TANC2: variants seen among roughly 807,000 people sequenced by gnomAD.
TANC2 encodes the protein tetratricopeptide repeat, ankyrin repeat and coiled-coil containing 2.
Under a neutral mutation model 210.5 loss-of-function variants are expected in TANC2, and 26 were observed. The ratio of observed to expected loss-of-function variants is 0.12; its 90% CI spans 0.09 to 0.17. TANC2 has a LOEUF of 0.17. Ranked by LOEUF, TANC2 falls within the 10% of genes least tolerant of loss-of-function variation. The pLI, the probability that TANC2 is intolerant of heterozygous loss-of-function variation, is 1.00. For missense variants in TANC2, 2,129 were observed against 2,608.9 expected (o/e 0.82, Z 4.01); for synonymous variants, 931 against 967.1 (o/e 0.96, Z 0.69).
At chr17:63,096,183 GA>G (rs1251775442) in intron 3 of TANC2, among the ~76,000 whole-genome samples, 6 of 152,060 alleles carry the variant, frequency 3.9e-5, no homozygotes, top group Non-Finnish European at 8.8e-5. Flanking sequence ...AAGGATGAGA[GA>G]AAGAGACTTG....
chr17:63,289,469 A>C (rs895669494), intron 9 of TANC2, among the ~76,000 whole-genome samples: 1 of 152,066 alleles, frequency 6.6e-6, no homozygotes, highest in Non-Finnish European at 1.5e-5. Flanking sequence ...TAGACCACAT[A>C]CAGTCCATTA....
intron 2 of TANC2, among the ~76,000 whole-genome samples, chr17:63,069,149 A>G (rs1338804100): frequency 6.6e-6 from 1 of 152,148 alleles, no homozygotes; most frequent in Non-Finnish European, 1.5e-5. Context: ...CGTATTTTCT[A>G]TATATTAAAT....
intron 3 of TANC2, among the ~76,000 whole-genome samples, chr17:63,098,053 CATT>C (rs1464135789): frequency 2.6e-5 from 4 of 151,990 alleles, no homozygotes; most frequent in Non-Finnish European, 5.9e-5. Context: ...TTCTGTCCCT[CATT>C]GTTTTGTATT....
chr17:63,354,827 A>G (rs781198247), exon 14 of TANC2: 1 of 1,604,680 alleles, frequency 6.2e-7, no homozygotes, highest in Non-Finnish European at 8.5e-7. Context: ...TTTTGGATCG[A>G]CTAGAAGAGA....
exon 28 of TANC2, chr17:63,423,872 T>A (rs1458000616): frequency 6.6e-6 from 1 of 152,298 alleles, no homozygotes; most frequent in African/African-American, 2.4e-5. Context: ...AGCGACGCCT[T>A]CTCAGCTAGA....
chr17:62,979,163 G>A (rs1278117966), intron 1 of TANC2, among the ~76,000 whole-genome samples: 1 of 151,922 alleles, frequency 6.6e-6, no homozygotes, highest in Non-Finnish European at 1.5e-5. Flanking sequence ...TTCTATACAT[G>A]CAGTTTTACC....
At chr17:63,279,914 C>A (rs1269558538) in intron 9 of TANC2, among the ~76,000 whole-genome samples, 1 of 152,026 alleles carries the variant, frequency 6.6e-6, no homozygotes, top group Non-Finnish European at 1.5e-5. Context: ...TGCCTGACTT[C>A]ATTGACCCTG....
At chr17:63,256,728 A>G (rs1361753022) in intron 8 of TANC2, among the ~76,000 whole-genome samples, 3 of 152,228 alleles carry the variant, frequency 2.0e-5, no homozygotes, top group Middle Eastern at 3.4e-3. Flanking sequence ...AAATCTGTCT[A>G]TCTCTTTAGC....
At chr17:63,254,180 A>G (rs1192407494) in intron 8 of TANC2, among the ~76,000 whole-genome samples, 1 of 151,588 alleles carries the variant, frequency 6.6e-6, no homozygotes, top group Admixed American at 6.6e-5. Flanking sequence ...ATTGTTTTTT[A>G]GTTGTAGAGA....
Position 63,253,195 on chromosome 17 carries a change from T to C in TANC2, c.1034-14553T>C, listed in dbSNP as rs111594735. Among the ~76,000 whole-genome samples the C allele has an allele frequency of 4.3e-3, 659 of 152,340 alleles. 6 individuals carry two copies. The highest frequency in any genetic ancestry group is 0.014 in the African/African-American group (576 of 41,584). On this transcript the variant is annotated intron_variant, in intron 8 of 27. Coordinates refer to ENST00000689528, the Ensembl canonical transcript of TANC2. ...GAAGTTTTGATTTGCATTTCTCTGA[T>C]GTCAGTGATGTTTAGCACCTTTTCA...
chr17:63,174,199 T>G (rs2040500258), intron 5 of TANC2, among the ~76,000 whole-genome samples: 1 of 152,248 alleles, frequency 6.6e-6, no homozygotes, highest in Non-Finnish European at 1.5e-5. Context: ...CTCTTGGCAG[T>G]AAAGCTATGC....
intron 3 of TANC2, among the ~76,000 whole-genome samples, chr17:63,077,910 T>C (rs1297492422): frequency 6.6e-6 from 1 of 152,208 alleles, no homozygotes; most frequent in South Asian, 2.1e-4. Flanking sequence ...TTTGATTTGC[T>C]AAGAATTTAA....
intron 1 of TANC2, among the ~76,000 whole-genome samples, chr17:62,993,261 G>A (rs1446840005): frequency 6.6e-6 from 1 of 152,160 alleles, no homozygotes; most frequent in East Asian, 1.9e-4. Context: ...AACCTCTATT[G>A]ACTTGGTTTG....
chr17:63,117,338 T>A lies in TANC2; in HGVS notation c.322+17981T>A, dbSNP rs547727862. 2.6e-5 allele frequency: 4 copies of A among 152,310 alleles called. No individual in the cohort carries two copies. The South Asian group carries it at 8.3e-4, about 32-fold the overall frequency. The allele number at this position is 152,310 out of a possible 1,614,324, so 9.4% of individuals were successfully genotyped here. A position where few individuals can be genotyped will look rare whatever the true frequency, so the allele number is the denominator to read the frequency against. ...CAGAGAAAAATTGTGTAAAAATATT[T>A]CTTTTATCCTAATGGAATCATACAA... is the stretch of plus-strand genomic sequence containing the variant. On this transcript the variant is annotated intron_variant, in intron 4 of 27. Coordinates refer to ENST00000689528, the Ensembl canonical transcript of TANC2.
Position 63,420,296 on chromosome 17 carries a change from G to T in TANC2, c.4566G>T (p.Pro1522=), listed in dbSNP as rs747395060. The change falls in exon 28 of 28, where the codon CCG becomes CCT. Residue 1522 remains proline, a synonymous_variant. Coordinates refer to ENST00000689528, the Ensembl canonical transcript of TANC2. The surrounding 1 kb of genome is among the most constrained non-coding windows in gnomAD (Gnocchi z 4.2). ...AGGCCCGGCCCAGCCAGGGGCTCCC[G>T]GTCATCCAGAGCCCACCCTCCTCTC... 3.7e-6 allele frequency: 6 copies of T among 1,613,712 alleles called. No individual in the cohort carries two copies. The African/African-American group carries it at 5.3e-5, about 14-fold the overall frequency.
chr17:63,340,738 A>G (rs1347423929), intron 12 of TANC2, among the ~76,000 whole-genome samples: 1 of 152,194 alleles, frequency 6.6e-6, no homozygotes, highest in African/African-American at 2.4e-5. Flanking sequence ...CCATCAGTTC[A>G]TGTGAAGTGG....
intron 9 of TANC2, among the ~76,000 whole-genome samples, chr17:63,271,791 A>C (rs1268960436): frequency 3.3e-5 from 5 of 150,332 alleles, no homozygotes; most frequent in Non-Finnish European, 7.4e-5. Flanking sequence ...TAACAAATTA[A>C]TTTAAATTTA....
intron 3 of TANC2, among the ~76,000 whole-genome samples, chr17:63,094,559 A>G (rs2037319143): frequency 6.6e-6 from 1 of 152,090 alleles, no homozygotes; most frequent in African/African-American, 2.4e-5. Flanking sequence ...CTAGGTTTTT[A>G]TTTGTGGTTA....
At chr17:63,409,086 A>G (rs972034565) in intron 21 of TANC2, among the ~76,000 whole-genome samples, 4 of 152,214 alleles carry the variant, frequency 2.6e-5, no homozygotes, top group South Asian at 2.1e-4. Context: ...TGGGTGGAGA[A>G]TTTAAAAGTG....
Sources: allele counts gnomAD v4.1 joint callset (sites outside exome capture counted in the v4.1 genomes callset), GRCh38; gene constraint gnomAD v4.1.1; non-coding constraint Gnocchi (gnomAD v3.1); transcripts MANE v1.5; gene names NCBI Gene and HGNC (gene_info 2026-07-23, HGNC 2026-07-21).